The following ABI1 variants were observed in gnomAD, a reference collection of about 807,000 sequenced individuals.
ABI1 encodes abl interactor 1.
Under a neutral mutation model 54.6 loss-of-function variants are expected in ABI1, and 14 were observed. The ratio of observed to expected loss-of-function variants is 0.26; its 90% CI spans 0.17 to 0.40. ABI1 has a LOEUF of 0.40. Among genes scored for constraint, ABI1 ranks in the 10% least tolerant of loss-of-function variants. ABI1 has a pLI of 1.00. For missense variants in ABI1, 443 were observed against 598.3 expected (o/e 0.74, Z 2.71); for synonymous variants, 194 against 209.3 (o/e 0.93, Z 0.63).
chr10:26,847,056 T>A (rs1564579210), intron 1 of ABI1, among the ~76,000 whole-genome samples: 1 of 152,190 alleles, frequency 6.6e-6, no homozygotes, highest in Non-Finnish European at 1.5e-5. Flanking sequence ...AGAAACTGTA[T>A]CTGATTGACA....
At chr10:26,816,771 G>A (rs1247413321) in intron 2 of ABI1, among the ~76,000 whole-genome samples, 1 of 151,490 alleles carries the variant, frequency 6.6e-6, no homozygotes, top group Non-Finnish European at 1.5e-5. Flanking sequence ...AAATTTTACA[G>A]ATCACAGAAC....
intron 10 of ABI1, among the ~76,000 whole-genome samples, chr10:26,749,689 T>C (rs993265293): frequency 4.6e-5 from 7 of 152,198 alleles, no homozygotes; most frequent in African/African-American, 1.7e-4. Context: ...TTCACTTCCT[T>C]TGCAAACTGC....
chr10:26,771,470 G>A (rs971283329), intron 3 of ABI1, among the ~76,000 whole-genome samples: 2 of 152,022 alleles, frequency 1.3e-5, no homozygotes, highest in Non-Finnish European at 2.9e-5. Context: ...TTAACATATC[G>A]GTGCATGAGA....
chr10:26,786,237 A>G (rs542379189), intron 2 of ABI1, among the ~76,000 whole-genome samples: 59 of 148,306 alleles, frequency 4.0e-4, no homozygotes, highest in Middle Eastern at 3.5e-3. Context: ...TTTTTTTGAC[A>G]GGGTCTTGCT....
intron 2 of ABI1, among the ~76,000 whole-genome samples, chr10:26,822,793 T>C (rs1053256297): frequency 2.6e-5 from 4 of 152,168 alleles, no homozygotes; most frequent in African/African-American, 9.7e-5. Flanking sequence ...TGGGTATACA[T>C]GTGTGTCAAA....
intron 1 of ABI1, among the ~76,000 whole-genome samples, chr10:26,848,157 C>T (rs2050118832): frequency 6.9e-6 from 1 of 145,388 alleles, no homozygotes; most frequent in Non-Finnish European, 1.5e-5. Context: ...AGTAATCGTG[C>T]CACTGCACTC....
chr10:26,783,985 G>A (rs1380824273), intron 2 of ABI1, among the ~76,000 whole-genome samples: 1 of 152,090 alleles, frequency 6.6e-6, no homozygotes, highest in Non-Finnish European at 1.5e-5. Context: ...ACTGGAATGG[G>A]ACACACTGAT....
chr10:26,841,938 G>C (rs10764654), intron 1 of ABI1, among the ~76,000 whole-genome samples: 30,952 of 150,912 alleles, frequency 0.21, 3,259 homozygotes, highest in African/African-American at 0.27. Context: ...ACTTCCTTTA[G>C]GTATATGCCC....
chr10:26,767,813 G>A (rs946666030), intron 6 of ABI1, among the ~76,000 whole-genome samples: 6 of 152,098 alleles, frequency 3.9e-5, no homozygotes, highest in African/African-American at 7.2e-5. Flanking sequence ...TTGGGAGGCC[G>A]AGGTGGGTGG....
At chr10:26,753,944 C>T (rs1837950984) in intron 9 of ABI1, among the ~76,000 whole-genome samples, 1 of 152,108 alleles carries the variant, frequency 6.6e-6, no homozygotes, top group Non-Finnish European at 1.5e-5. Flanking sequence ...AAAAGATTTA[C>T]CAAATAGCTA....
Position 26,768,923 on chromosome 10 carries a change from A to G in ABI1, c.648T>C (p.Ser216=), listed in dbSNP as rs1840311940. The change falls in exon 6 of 11, where the codon AGT becomes AGC. Residue 216 remains serine (S), a synonymous_variant. Coordinates refer to ENST00000376140, the MANE Select transcript of ABI1 (RefSeq NM_001012750.3). ...PPTVPNDYMT[S]PARLGSQHSP... ...TATGCTGACTTCCAAGCCTAGCAGGACTGGTCATATAGTCATTAGGAACTG... is the reference window on the plus strand; with the variant it reads ...TATGCTGACTTCCAAGCCTAGCAGGGCTGGTCATATAGTCATTAGGAACTG... The G allele has an allele frequency of 6.2e-7, 1 of 1,613,350 alleles. No individual in the cohort carries two copies. Among genetic ancestry groups the G allele is most frequent in the Admixed American group, 1.7e-5 (1 of 59,984 alleles).
chr10:26,785,718 C>T (rs1307385245), intron 2 of ABI1, among the ~76,000 whole-genome samples: 3 of 150,546 alleles, frequency 2.0e-5, no homozygotes, highest in Non-Finnish European at 4.4e-5. Context: ...GAGTCAGACT[C>T]TGTCTGGGAA....
chr10:26,822,162 A>C (rs1564542181), intron 2 of ABI1, among the ~76,000 whole-genome samples: 1 of 133,536 alleles, frequency 7.5e-6, no homozygotes, highest in African/African-American at 2.5e-5. Flanking sequence ...ATTAATAGAC[A>C]TATATATATA....
At chr10:26,755,003 G>C (rs1387766333) in intron 9 of ABI1, among the ~76,000 whole-genome samples, 1 of 152,094 alleles carries the variant, frequency 6.6e-6, no homozygotes. Flanking sequence ...AAAGTTAACT[G>C]ATTTTCATAT....
rs1185091954 is a variant in ABI1 at position 26,765,304 on chromosome 10, C to T, written c.734G>A (p.Gly245Glu). The change falls in exon 7 of 11, where the codon GGA becomes GAA. Residue 245 changes from glycine to glutamate, a missense_variant. Physicochemically the swap from Gly to Glu is moderately conservative, Grantham distance 98. Coordinates refer to ENST00000376140, the MANE Select transcript of ABI1 (RefSeq NM_001012750.3). ...RPRTHSGSSG[G>E]SGSRENSGSS... ...ACCACTGTTTTCTCGACTTCCACTT[C>T]CTCCACTACTTCCACTGAAAAGAAA... The T allele has an allele frequency of 2.5e-6, 4 of 1,587,194 alleles. No individual in the cohort carries two copies. The highest frequency in any genetic ancestry group is 1.9e-5 in the Admixed American group (1 of 51,626).
At chr10:26,770,639 C>T (rs966410615) in intron 4 of ABI1, 1 of 593,796 alleles carries the variant, frequency 1.7e-6, no homozygotes, top group Non-Finnish European at 3.1e-6. Flanking sequence ...TGCATTCAAA[C>T]ACTGGGTTTC....
intron 2 of ABI1, among the ~76,000 whole-genome samples, chr10:26,779,829 T>C (rs1841881947): frequency 6.6e-6 from 1 of 152,072 alleles, no homozygotes; most frequent in African/African-American, 2.4e-5. Context: ...CTCAGGGAAA[T>C]TTCCCTGAGA....
At chr10:26,853,885 A>C (rs531367643) in intron 1 of ABI1, among the ~76,000 whole-genome samples, 2 of 152,300 alleles carry the variant, frequency 1.3e-5, no homozygotes, top group African/African-American at 2.4e-5. Context: ...TGGGTTTTAT[A>C]GATTTATATC....
rs1230462997 is a variant in ABI1 at position 26,860,581 on chromosome 10, G to A, written c.117+166C>T. Among the ~76,000 whole-genome samples the A allele has an allele frequency of 6.6e-6, 1 of 152,158 alleles. No individual in the cohort carries two copies. Among genetic ancestry groups the A allele is most frequent in the East Asian group, 1.9e-4 (1 of 5,192 alleles). Reference sequence around the variant, plus strand: ...TATCGCAGCCCGACTCCCTCAGCCCGGCCACTCGCTCTGTCCCCGGTTGGG... The same window carrying A: ...TATCGCAGCCCGACTCCCTCAGCCCAGCCACTCGCTCTGTCCCCGGTTGGG... On this transcript the variant is annotated intron_variant, in intron 1 of 10. Coordinates refer to ENST00000376140, the MANE Select transcript of ABI1 (RefSeq NM_001012750.3). The surrounding 1 kb of genome is among the most constrained non-coding windows in gnomAD (Gnocchi z 4.1).
Sources: gnomAD v4.1 joint callset for allele counts (sites outside exome capture counted in the v4.1 genomes callset) on GRCh38, gnomAD v4.1.1 for gene constraint, Gnocchi (gnomAD v3.1) non-coding constraint, MANE v1.5 for transcripts, NCBI Gene and HGNC (gene_info 2026-07-23, HGNC 2026-07-21) for gene names.